IGFBP3: variants seen among roughly 807,000 people sequenced by gnomAD.
The protein encoded by IGFBP3 is insulin-like growth factor-binding protein 3.
IGFBP3 carries 9 observed loss-of-function variants against 28.6 expected under a neutral mutation model. The observed-to-expected ratio is 0.31, with a 90% CI of 0.19 to 0.55. The LOEUF is 0.55. Among genes scored for constraint, IGFBP3 ranks in the 20% least tolerant of loss-of-function variants. The pLI is 0.93. For missense variants in IGFBP3, 382 were observed against 428.9 expected (o/e 0.89, Z 0.97); for synonymous variants, 185 against 188.2 (o/e 0.98, Z 0.14).
At chr7:45,920,603 C>T in intron 1 of IGFBP3, 135 bp downstream of exon 1, 1 of 896,386 alleles carries the variant, frequency 1.1e-6, no homozygotes, top group Non-Finnish European at 1.5e-6. Flanking sequence ...TCCCGGAGCG[C>T]CTTCAGTTTC....
rs773298476 is a variant in IGFBP3, at chr7:45,914,917, C to T, written c.779G>A (p.Gly260Asp). The change falls in exon 4 of 5, where the codon GGC (glycine) becomes GAC (aspartate). Residue 260 changes from glycine (G) to aspartate (D), a missense_variant. By Grantham distance (94) the Gly-to-Asp change is moderately conservative. Coordinates refer to ENST00000613132, the MANE Select transcript of IGFBP3 (RefSeq NM_000598.5). ...QCRPSKGRKR[G>D]FCWCVDKYGQ... ...ATACTTATCCACACACCAGCAGAAG[C>T]CCCGCTTCCTGCCTTTGGAAGGGCG... is the stretch of plus-strand genomic sequence containing the variant. 6.2e-7 allele frequency: 1 copy of T among 1,614,020 alleles called. No individual in the cohort carries two copies. The highest frequency in any genetic ancestry group is 1.3e-5 in the African/African-American group (1 of 74,926).
chr7:45,921,028 A>ACCACGGGAC lies in IGFBP3; in HGVS notation c.104_112dup (p.Gly35_Val37dup), dbSNP rs1430771797. ...ACGCGCGTCGCACGGCTCGCAGCGC[A>ACCACGGGAC]CCACGGGACCCAAGCCCGCCGAGCT... On this transcript the variant is annotated inframe_insertion, in exon 1 of 5. Transcript: ENST00000613132. 2.2e-5 allele frequency: 31 copies of ACCACGGGAC among 1,419,716 alleles called. No individual in the cohort carries two copies. In the Admixed American group the frequency reaches 2.7e-4, roughly 12 times the overall value. 87.9% of individuals were successfully genotyped at this position (1,419,716 alleles called of 1,614,324 possible).
In IGFBP3 at chr7:45,920,728, G is replaced by A; in HGVS notation, c.403+10C>T. ...TGCTGCACGCAGCGCACCTGGCGCG[G>A]GCGGCTCACCTGGAGCTGGCGGCGC... is the stretch of plus-strand genomic sequence containing the variant. On this transcript the variant is annotated intron_variant, in intron 1 of 4. Coordinates refer to ENST00000613132, the MANE Select transcript of IGFBP3 (RefSeq NM_000598.5). The A allele has an allele frequency of 9.3e-6, 13 of 1,394,164 alleles. No individual in the cohort carries two copies. Among genetic ancestry groups the A allele is most frequent in the Non-Finnish European group, 1.2e-5 (13 of 1,083,128 alleles). The allele number at this position is 1,394,164 out of a possible 1,614,324, so 86.4% of individuals were successfully genotyped here.
intron 3 of IGFBP3, 36 bp downstream of exon 3, chr7:45,916,512 A>T: frequency 6.3e-7 from 1 of 1,596,342 alleles, no homozygotes. Context: ...CTGTGTCAAC[A>T]GAAGAGGAAG....
intron 1 of IGFBP3, 23 bp downstream of exon 1, chr7:45,920,715 C>T: frequency 7.3e-7 from 1 of 1,372,216 alleles, no homozygotes; most frequent in Non-Finnish European, 9.3e-7. Flanking sequence ...CTGCACGCAG[C>T]GCACCTGGCG....
In IGFBP3 at chr7:45,916,683, G is replaced by A. The variant is rs759374247; in HGVS notation, c.631-16C>T. 1.2e-6 allele frequency: 2 copies of A among 1,606,210 alleles called. No individual in the cohort carries two copies. The highest frequency in any genetic ancestry group is 1.7e-6 in the Non-Finnish European group (2 of 1,173,538). ...GGCAGGGACCCTGGGGATCAGGAAG[G>A]ACCAGAGCAACAGAGTCACAGTTTT... is the stretch of plus-strand genomic sequence containing the variant. On this transcript the variant is annotated splice_polypyrimidine_tract_variant and intron_variant, in intron 2 of 4. Coordinates refer to ENST00000613132, the MANE Select transcript of IGFBP3 (RefSeq NM_000598.5).
Position 45,919,536 on chromosome 7 carries a change from G to C in IGFBP3, c.403+1202C>G, listed in dbSNP as rs111709423. Reference sequence around the variant, plus strand: ...GCCGAGCCAGAAAATAACTTCACCCGGGCGTGGAACTCTACAGCTACATAA... The same window carrying C: ...GCCGAGCCAGAAAATAACTTCACCCCGGCGTGGAACTCTACAGCTACATAA... On this transcript the variant is annotated intron_variant, in intron 1 of 4. Transcript: ENST00000613132. Among the ~76,000 whole-genome samples the C allele has an allele frequency of 4.8e-3, 728 of 152,250 alleles. 6 individuals carry two copies. Among genetic ancestry groups the C allele is most frequent in the African/African-American group, 0.017 (696 of 41,542 alleles).
chr7:45,916,129 G>T (rs1245907743), intron 3 of IGFBP3, among the ~76,000 whole-genome samples: 1 of 152,214 alleles, frequency 6.6e-6, no homozygotes, highest in East Asian at 1.9e-4. Context: ...TTCAGGGTAA[G>T]CTTTTTGTGG....
chr7:45,921,119 G>A lies in IGFBP3; in HGVS notation c.22C>T (p.Leu8Phe), dbSNP rs751144891. 13 of 1,496,472 alleles carry A rather than the reference G, an allele frequency of 8.7e-6. No homozygotes were observed. The highest frequency in any genetic ancestry group is 2.0e-4 in the Middle Eastern group (1 of 5,126). The allele number at this position is 1,496,472 out of a possible 1,614,324, so 92.7% of individuals were successfully genotyped here. Residue 8 changes from leucine to phenylalanine, a missense_variant, in exon 1 of 5, where the codon CTC (leucine) becomes TTC (phenylalanine). Physicochemically the swap from Leu to Phe is conservative, Grantham distance 22. Coordinates refer to ENST00000613132, the MANE Select transcript of IGFBP3 (RefSeq NM_000598.5). ...AGCAGAGTCAGCGCAGCGGCCCAGAGCGTGGGTCGCGCCCGCTGCATGACG... is the reference window on the plus strand; with the variant it reads ...AGCAGAGTCAGCGCAGCGGCCCAGAACGTGGGTCGCGCCCGCTGCATGACG... MQRARPT[L>F]WAAALTLLVL...
rs2854746 is a variant in IGFBP3 at position 45,921,046 on chromosome 7, G to C, written c.95C>G (p.Ala32Gly). The C allele has an allele frequency of 0.4, 575,517 of 1,441,040 alleles. 118,622 individuals are homozygous for C. Among genetic ancestry groups the C allele is most frequent in the East Asian group, 0.76 (24,814 of 32,654 alleles). 89.3% of individuals were successfully genotyped at this position (1,441,040 alleles called of 1,614,324 possible). A position where few individuals can be genotyped will look rare whatever the true frequency, so the allele number is the denominator to read the frequency against. ...PPVARAGASS[A>G]GLGPVVRCEP... is the part of the protein sequence containing the mutation. The stretch of plus-strand genomic sequence containing the variant: ...GCAGCGCACCACGGGACCCAAGCCC[G>C]CCGAGCTCGCGCCAGCCCGCGCCAC... Residue 32 changes from alanine to glycine, a missense_variant, in exon 1 of 5, where the codon GCG (alanine) becomes GGG (glycine). By Grantham distance (60) the Ala-to-Gly change is moderately conservative (BLOSUM62 0). Transcript: ENST00000613132.
At chr7:45,919,119 G>A (rs1784651615) in intron 1 of IGFBP3, among the ~76,000 whole-genome samples, 1 of 152,130 alleles carries the variant, frequency 6.6e-6, no homozygotes, top group Non-Finnish European at 1.5e-5. Flanking sequence ...GCAGACTAGG[G>A]CATGAAGACA....
chr7:45,919,308 C>T (rs978888803), intron 1 of IGFBP3, among the ~76,000 whole-genome samples: 2 of 152,186 alleles, frequency 1.3e-5, no homozygotes, highest in African/African-American at 2.4e-5. Flanking sequence ...CCAAGAATGA[C>T]GATGTGTATC....
chr7:45,915,837 G>C (rs2116575814), intron 3 of IGFBP3, among the ~76,000 whole-genome samples: 1 of 152,342 alleles, frequency 6.6e-6, no homozygotes, highest in East Asian at 1.9e-4. Flanking sequence ...CACATGGCCA[G>C]TTTGGAGAGA....
At position 45,917,716 on chromosome 7, in the gene IGFBP3, A is replaced by T. The variant is rs552788561; in HGVS notation, c.404-277T>A. On this transcript the variant is annotated intron_variant, in intron 1 of 4. Coordinates refer to ENST00000613132, the MANE Select transcript of IGFBP3 (RefSeq NM_000598.5). ...ACTAAAGAAGGCAGACAAACGCTTC[A>T]GTGCCCCTCAGTAGGTGAAGGCAGT... Among the ~76,000 whole-genome samples, 22 of 152,340 alleles carry T rather than the reference A, an allele frequency of 1.4e-4. No individual in the cohort carries two copies. The East Asian group carries it at 4.3e-3, about 29-fold the overall frequency.
intron 1 of IGFBP3, 90 bp from the exon 2 acceptor site, chr7:45,917,529 G>A: frequency 4.7e-6 from 5 of 1,062,328 alleles, no homozygotes; most frequent in Non-Finnish European, 6.8e-6. Flanking sequence ...CAGGTCACAT[G>A]TAAATGACAA....
rs557246667 is a variant in IGFBP3 at position 45,912,881 on chromosome 7, A to G, written c.*969T>C. The G allele has an allele frequency of 6.6e-6, 1 of 152,510 alleles. No homozygotes were observed. Among genetic ancestry groups the G allele is most frequent in the South Asian group, 2.1e-4 (1 of 4,824 alleles). The allele number at this position is 152,510 out of a possible 1,614,324, so 9.4% of individuals were successfully genotyped here. A position where few individuals can be genotyped will look rare whatever the true frequency, so the allele number is the denominator to read the frequency against. The stretch of plus-strand genomic sequence containing the variant: ...CAAGCCATTCCTCCTTCCTGTTCTG[A>G]TATTACTATTCTTTTTTACATTGTG... On this transcript the variant is annotated 3_prime_UTR_variant, in exon 5 of 5. Coordinates refer to ENST00000613132, the MANE Select transcript of IGFBP3 (RefSeq NM_000598.5).
At chr7:45,917,558 G>A in intron 1 of IGFBP3, 119 bp from the exon 2 acceptor site, 2 of 718,252 alleles carry the variant, frequency 2.8e-6, no homozygotes, top group Non-Finnish European at 4.1e-6. Context: ...GGCAATCCAA[G>A]TGAGTTTTTT....
intron 2 of IGFBP3, 128 bp from the exon 3 acceptor site, chr7:45,916,795 GT>G: frequency 1.0e-6 from 1 of 963,276 alleles, no homozygotes; most frequent in Non-Finnish European, 1.6e-6. Flanking sequence ...GATACCTTAT[GT>G]CTGATGTAGC....
At position 45,915,844 on chromosome 7, in the gene IGFBP3, G is replaced by A. The variant is rs1784601732; in HGVS notation, c.750+704C>T. 2.6e-5 allele frequency among the ~76,000 whole-genome samples: 4 copies of A among 152,228 alleles called. No homozygotes were observed. In the South Asian group the frequency reaches 8.3e-4, roughly 32 times the overall value. The stretch of plus-strand genomic sequence containing the variant: ...AGGAAGACCACATGGCCAGTTTGGA[G>A]AGACTGGCCATCCCCAGCATGGACC... On this transcript the variant is annotated intron_variant, in intron 3 of 4. Transcript: ENST00000613132.
Sources: gnomAD v4.1 joint callset for allele counts (sites outside exome capture counted in the v4.1 genomes callset) on GRCh38, gnomAD v4.1.1 for gene constraint, MANE v1.5 for transcripts, NCBI Gene and HGNC (gene_info 2026-07-23, HGNC 2026-07-21) for gene names.